The following ALOX15B variants were observed in gnomAD, a reference collection of about 807,000 sequenced individuals.
ALOX15B encodes the protein arachidonate 15-lipoxygenase type B, also known as polyunsaturated fatty acid lipoxygenase ALOX15B.
A neutral mutation model predicts 73.8 loss-of-function variants in ALOX15B; 74 were observed. That is an observed-to-expected ratio of 1.00 (90% confidence interval 0.83 to 1.22). The LOEUF is 1.22. Among genes scored for constraint, ALOX15B ranks in the 50% most tolerant of loss-of-function variants. The pLI is 0.00. For missense variants in ALOX15B, 896 were observed against 859.9 expected, an observed-to-expected ratio of 1.04 and a Z score of -0.52; for synonymous variants, 353 against 357.2, an observed-to-expected ratio of 0.99 and a Z score of 0.13.
chr17:8,048,465 T>G lies in ALOX15B; in HGVS notation c.1931T>G (p.Leu644Arg), dbSNP rs752844414. The change falls in exon 14 of 14, where the codon CTG becomes CGG. Residue 644 changes from leucine (L) to arginine (R), a missense_variant. By Grantham distance (102) the Leu-to-Arg change is moderately radical. Coordinates refer to ENST00000380183, the MANE Select transcript of ALOX15B (RefSeq NM_001141.3). ...AGCATCGCCACCTTCCAGAGCCGCC[T>G]GGCCCAGATCTCGAGGGGCATCCAG... ...RRSIATFQSR[L>R]AQISRGIQER... is the part of the protein sequence containing the mutation. 1.2e-6 allele frequency: 2 copies of G among 1,613,990 alleles called. No homozygotes were observed. The highest frequency in any genetic ancestry group is 1.7e-6 in the Non-Finnish European group (2 of 1,180,024).
chr17:8,046,828 G>A, intron 9 of ALOX15B, 74 bp downstream of exon 9: 9 of 1,611,766 alleles, frequency 5.6e-6, no homozygotes, highest in Non-Finnish European at 6.8e-6. Flanking sequence ...TGGGGTAGGA[G>A]TGGCCCATCT....
Position 8,043,148 on chromosome 17 carries a change from C to T in ALOX15B, c.676+264C>T, listed in dbSNP as rs1002952445. ...GGGCTACATGGTTCTTCACGGGGCT[C>T]ACAGTTGAGCAGGCCAGTTGGTGTT... On this transcript the variant is annotated intron_variant, in intron 5 of 13. Transcript: ENST00000380183. Among the ~76,000 whole-genome samples the T allele has an allele frequency of 3.9e-5, 6 of 152,288 alleles. No homozygotes were observed. In the East Asian group the frequency reaches 5.8e-4, roughly 15 times the overall value.
In ALOX15B at chr17:8,045,018, T is replaced by A; in HGVS notation, c.849+17T>A. 1 of 1,613,608 alleles carries A rather than the reference T, an allele frequency of 6.2e-7. No individual in the cohort carries two copies. On this transcript the variant is annotated intron_variant, in intron 6 of 13. Coordinates refer to ENST00000380183, the MANE Select transcript of ALOX15B (RefSeq NM_001141.3). Reference sequence around the variant, plus strand: ...GAGCTAGAGGTGAGGGGTGCAGGGATCTTGGCTCTGCACAGTCCCATCTCA... The same window carrying A: ...GAGCTAGAGGTGAGGGGTGCAGGGAACTTGGCTCTGCACAGTCCCATCTCA...
chr17:8,044,233 G>A (rs117829691), intron 5 of ALOX15B, among the ~76,000 whole-genome samples: 3,525 of 151,918 alleles, frequency 0.023, 64 homozygotes, highest in Non-Finnish European at 0.036. Flanking sequence ...ACCAGTCTGA[G>A]CAACATGGAG....
chr17:8,039,874 A>C (rs1976387813), intron 2 of ALOX15B, 28 bp from the exon 3 acceptor site: 1 of 1,594,478 alleles, frequency 6.3e-7, no homozygotes, highest in East Asian at 2.2e-5. Context: ...TTCTCTCCCC[A>C]CCCCAACCTA....
Position 8,047,887 on chromosome 17 carries a change from GGTT to G in ALOX15B, c.1825_1827del (p.Leu610del). ...ACATGTGATGTCATCCTTGCTCTCT[GGTT>G]GCTGAGCAAGGAGCCTGGAGACCAA... On this transcript the variant is annotated inframe_deletion, in exon 13 of 14. Transcript: ENST00000380183. 5 of 1,614,138 alleles carry G rather than the reference GGTT, an allele frequency of 3.1e-6. No homozygotes were observed. The highest frequency in any genetic ancestry group is 4.2e-6 in the Non-Finnish European group (5 of 1,180,004).
At chr17:8,045,409 C>A (rs1223462532) in intron 7 of ALOX15B, 25 bp downstream of exon 7, 2 of 1,613,814 alleles carry the variant, frequency 1.2e-6, no homozygotes, top group African/African-American at 2.7e-5. Context: ...AGGGGCAGGG[C>A]AGCGTGAAGA....
At position 8,047,808 on chromosome 17, in the gene ALOX15B, A is replaced by G. The variant is rs1214870897; in HGVS notation, c.1744A>G (p.Lys582Glu). 1.9e-6 allele frequency: 3 copies of G among 1,613,986 alleles called. No individual in the cohort carries two copies. The African/African-American group carries it at 4.0e-5, about 22-fold the overall frequency. Residue 582 changes from lysine (K) to glutamate (E), a missense_variant, in exon 13 of 14, where the codon AAA (lysine) becomes GAA (glutamate). Transcript: ENST00000380183. ...PSMQLPPPTS[K>E]GLATCEGFIA... Reference sequence around the variant, plus strand: ...CATGCAGCTGCCACCACCCACCTCCAAAGGCCTGGCAACATGCGAGGGCTT... The same window carrying G: ...CATGCAGCTGCCACCACCCACCTCCGAAGGCCTGGCAACATGCGAGGGCTT...
intron 8 of ALOX15B, among the ~76,000 whole-genome samples, chr17:8,046,049 C>A (rs1050240459): frequency 6.6e-6 from 1 of 152,108 alleles, no homozygotes; most frequent in African/African-American, 2.4e-5. Flanking sequence ...GGGTGGGAGG[C>A]CCCCGTGCTC....
rs1234670956 is a variant in ALOX15B at position 8,045,594 on chromosome 17, G to A, written c.1108G>A (p.Ala370Thr). 1.2e-6 allele frequency: 2 copies of A among 1,614,104 alleles called. No homozygotes were observed. The highest frequency in any genetic ancestry group is 4.5e-5 in the East Asian group (2 of 44,882). ...VRNAEFSFHE[A>T]LTHLLHSHLL... Reference sequence around the variant, plus strand: ...CAATGCCGAGTTCTCCTTCCATGAGGCCCTCACGCACCTGCTGCACTCACA... The same window carrying A: ...CAATGCCGAGTTCTCCTTCCATGAGACCCTCACGCACCTGCTGCACTCACA... Residue 370 changes from alanine to threonine, a missense_variant, in exon 8 of 14, where the codon GCC becomes ACC. Transcript: ENST00000380183.
rs894941755 is a variant in ALOX15B, at chr17:8,045,474, TC to T, written c.997-3del. On this transcript the variant is annotated splice_region_variant and splice_polypyrimidine_tract_variant and intron_variant, in intron 7 of 13. Coordinates refer to ENST00000380183, the MANE Select transcript of ALOX15B (RefSeq NM_001141.3). ...ATGGCTGCCTCTCTCCCCACCTGCCTCCCCCCAGCTCAGCCAGACCCCCGGC... is the reference window on the plus strand; with the variant it reads ...ATGGCTGCCTCTCTCCCCACCTGCCTCCCCCAGCTCAGCCAGACCCCCGGC... 3 of 1,613,558 alleles carry T rather than the reference TC, an allele frequency of 1.9e-6. No individual in the cohort carries two copies. The South Asian group carries it at 3.3e-5, about 18-fold the overall frequency.
chr17:8,039,353 G>T, intron 1 of ALOX15B, 33 bp from the exon 2 acceptor site: 1 of 1,600,650 alleles, frequency 6.2e-7, no homozygotes, highest in East Asian at 2.2e-5. Flanking sequence ...GAGCAGGAGG[G>T]TCCGGCCTGA....
At position 8,039,423 on chromosome 17, in the gene ALOX15B, G is replaced by T; in HGVS notation, c.185G>T (p.Gly62Val). 6.2e-7 allele frequency: 1 copy of T among 1,612,696 alleles called. No individual in the cohort carries two copies. Among genetic ancestry groups the T allele is most frequent in the Non-Finnish European group, 8.5e-7 (1 of 1,179,616 alleles). Reference sequence around the variant, plus strand: ...CAGGTGACGCTCCCGGAGGACGTAGGCCGAGTGCTGCTGCTGCGCGTGCAC... The same window carrying T: ...CAGGTGACGCTCCCGGAGGACGTAGTCCGAGTGCTGCTGCTGCGCGTGCAC... ...DFQVTLPEDV[G>V]RVLLLRVHKA... is the part of the protein sequence containing the mutation. Residue 62 changes from glycine to valine, a missense_variant, in exon 2 of 14, where the codon GGC becomes GTC. By Grantham distance (109) the Gly-to-Val change is moderately radical. Coordinates refer to ENST00000380183, the MANE Select transcript of ALOX15B (RefSeq NM_001141.3).
chr17:8,044,426 A>C lies in ALOX15B; in HGVS notation c.677-403A>C, dbSNP rs190847472. On this transcript the variant is annotated intron_variant, in intron 5 of 13. Transcript: ENST00000380183. ...AACACAGCGACACAGCCTGTCTCAAAAAAAAAAAAAAAAAAGGAAAGAAAA... is the reference window on the plus strand; with the variant it reads ...AACACAGCGACACAGCCTGTCTCAACAAAAAAAAAAAAAAAGGAAAGAAAA... Among the ~76,000 whole-genome samples, 94 of 149,176 alleles carry C rather than the reference A, an allele frequency of 6.3e-4. 1 individual carries two copies. The East Asian group carries it at 0.017, about 27-fold the overall frequency.
At chr17:8,040,068 G>T (rs1330540197) in intron 3 of ALOX15B, 85 bp downstream of exon 3, 1 of 1,306,234 alleles carries the variant, frequency 7.7e-7, no homozygotes. Context: ...GAGATTAAAA[G>T]CCCCTGCCTC....
intron 13 of ALOX15B, among the ~76,000 whole-genome samples, 197 bp downstream of exon 13, chr17:8,048,112 T>G (rs905725172): frequency 6.6e-6 from 1 of 152,186 alleles, no homozygotes; most frequent in Non-Finnish European, 1.5e-5. Context: ...GGAGCCACTC[T>G]CAGTAGCAAG....
chr17:8,039,061 TGGCAATAACCAGG>T lies in ALOX15B; in HGVS notation c.-81_-69del, dbSNP rs922523809. On this transcript the variant is annotated 5_prime_UTR_variant, in exon 1 of 14. Transcript: ENST00000380183. ...AGGAGTCCACTGGGCTTGGAGTCAG[TGGCAATAACCAGG>T]GGCAATAACCAGGCGTGTCCCAGGG... 3.4e-6 allele frequency: 5 copies of T among 1,491,366 alleles called. No homozygotes were observed. Among genetic ancestry groups the T allele is most frequent in the Middle Eastern group, 1.9e-4 (1 of 5,240 alleles). 92.4% of individuals were successfully genotyped at this position (1,491,366 alleles called of 1,614,324 possible).
At chr17:8,043,956 C>T (rs1976529020) in intron 5 of ALOX15B, among the ~76,000 whole-genome samples, 1 of 152,080 alleles carries the variant, frequency 6.6e-6, no homozygotes. Flanking sequence ...GTAGTCCCAG[C>T]TACTCAGGAG....
Position 8,040,035 on chromosome 17 carries a change from G to A in ALOX15B, c.449+52G>A, listed in dbSNP as rs765174042. 90 of 1,547,306 alleles carry A rather than the reference G, an allele frequency of 5.8e-5. No homozygotes were observed. The South Asian group carries it at 9.9e-4, about 17-fold the overall frequency. ...GGGTGTGCCCAAACGATGAGGGGCAGCTTGAGTGTCCTGGTCATGACAGAG... is the reference window on the plus strand; with the variant it reads ...GGGTGTGCCCAAACGATGAGGGGCAACTTGAGTGTCCTGGTCATGACAGAG... On this transcript the variant is annotated intron_variant, in intron 3 of 13. Coordinates refer to ENST00000380183, the MANE Select transcript of ALOX15B (RefSeq NM_001141.3).
Sources: allele counts gnomAD v4.1 joint callset (sites outside exome capture counted in the v4.1 genomes callset), GRCh38; gene constraint gnomAD v4.1.1; transcripts MANE v1.5; gene names NCBI Gene and HGNC (gene_info 2026-07-23, HGNC 2026-07-21).